The following MAP4 variants were observed in gnomAD, a reference collection of about 807,000 sequenced individuals.
MAP4 encodes the protein microtubule-associated protein 4.
Under a neutral mutation model 170.2 loss-of-function variants are expected in MAP4, and 76 were observed. The ratio of observed to expected loss-of-function variants is 0.45; its 90% confidence interval spans 0.37 to 0.54. MAP4 has a LOEUF of 0.54. Among genes scored for constraint, MAP4 ranks in the 20% least tolerant of loss-of-function variants. The pLI is 0.00. For synonymous variants in MAP4, 909 were observed against 994.5 expected (o/e 0.91, Z 1.62); for missense variants, 2,506 against 2,748.0 (o/e 0.91, Z 1.97).
At chr3:48,058,193 A>G (rs886242192) in intron 1 of MAP4, among the ~76,000 whole-genome samples, 2 of 152,232 alleles carry the variant, frequency 1.3e-5, no homozygotes, top group Admixed American at 1.3e-4. Flanking sequence ...AGTATTCTGG[A>G]ATTTTTTCAA....
At chr3:47,876,324 G>A (rs1342605157) in intron 11 of MAP4, among the ~76,000 whole-genome samples, 1 of 151,846 alleles carries the variant, frequency 6.6e-6, no homozygotes, top group Non-Finnish European at 1.5e-5. Flanking sequence ...ATAAAGACGG[G>A]GTTTCACCGT....
In MAP4 at chr3:47,904,810, C is replaced by T. The variant is rs1464029338; in HGVS notation, c.5384-1810G>A. On this transcript the variant is annotated intron_variant, in intron 9 of 20. Transcript: ENST00000683076. ...TCAGTCTCCTGAGTAGGTGGAATTA[C>T]AGGCATGCAACATCATGCGTGGCTA... 2.0e-5 allele frequency among the ~76,000 whole-genome samples: 3 copies of T among 151,216 alleles called. No individual in the cohort carries two copies. In the East Asian group the frequency reaches 5.9e-4, roughly 30 times the overall value.
At chr3:48,001,264 G>A (rs1285371890) in intron 1 of MAP4, among the ~76,000 whole-genome samples, 1 of 152,052 alleles carries the variant, frequency 6.6e-6, no homozygotes, top group East Asian at 1.9e-4. Context: ...GGAGCTTAGT[G>A]AAAACATTCA....
At chr3:48,006,409 G>A (rs1372437321) in intron 1 of MAP4, among the ~76,000 whole-genome samples, 3 of 152,102 alleles carry the variant, frequency 2.0e-5, no homozygotes, top group Non-Finnish European at 4.4e-5. Context: ...TAAACTAGGG[G>A]CTCATGGAAG....
chr3:47,891,992 C>T (rs1453482585), intron 10 of MAP4: 2 of 1,536,314 alleles, frequency 1.3e-6, no homozygotes, highest in Non-Finnish European at 1.7e-6. Flanking sequence ...GTCAGCAGCC[C>T]CAGGGAAATC....
chr3:47,995,620 C>A (rs561049696), intron 2 of MAP4, among the ~76,000 whole-genome samples: 33 of 151,994 alleles, frequency 2.2e-4, no homozygotes, highest in Non-Finnish European at 4.0e-4. Context: ...GGTCTGCCCC[C>A]CCTCCCCAAC....
intron 1 of MAP4, among the ~76,000 whole-genome samples, chr3:48,062,470 C>CGA (rs1334614298): frequency 2.7e-5 from 3 of 112,522 alleles, no homozygotes; most frequent in Non-Finnish European, 5.1e-5. Context: ...TCCCCTTCTG[C>CGA]GAGAAACACC....
rs765032844 is a variant in MAP4, at chr3:47,910,406, C to A, written c.4015G>T (p.Val1339Leu). 1.0e-5 allele frequency: 16 copies of A among 1,536,546 alleles called. No homozygotes were observed. Among genetic ancestry groups the A allele is most frequent in the Non-Finnish European group, 1.3e-5 (15 of 1,146,922 alleles). ...QIQGAGFVPS[V>L]VSEENKTDAA... Reference sequence around the variant, plus strand: ...TCTGTCTTATTCTCCTCAGATACTACTGAAGGAACAAATCCTGCCCCCTGG... The same window carrying A: ...TCTGTCTTATTCTCCTCAGATACTAATGAAGGAACAAATCCTGCCCCCTGG... Residue 1339 changes from valine to leucine, a missense_variant, in exon 9 of 21, where the codon GTA becomes TTA. By Grantham distance (32) the Val-to-Leu change is conservative. Transcript: ENST00000683076.
intron 3 of MAP4, among the ~76,000 whole-genome samples, chr3:47,956,258 T>C (rs552953957): frequency 1.3e-5 from 2 of 152,304 alleles, no homozygotes; most frequent in African/African-American, 4.8e-5. Context: ...TTCTGTTGCA[T>C]TGCTTCCTCT....
chr3:47,950,757 T>C (rs1371072460), intron 3 of MAP4, among the ~76,000 whole-genome samples: 1 of 152,162 alleles, frequency 6.6e-6, no homozygotes, highest in African/African-American at 2.4e-5. Flanking sequence ...GTTGCTTTTT[T>C]TGTTTTTTTG....
rs2100113352 is a variant in MAP4 at position 48,026,811 on chromosome 3, C to A, written c.-19-27932G>T. On this transcript the variant is annotated intron_variant, in intron 1 of 18. Transcript: ENST00000360240. ...ACCACCAACAATTAATTAGTTCAAA[C>A]TAAAAATAATGAAATAAAGTATTAA... 2.0e-5 allele frequency among the ~76,000 whole-genome samples: 3 copies of A among 152,218 alleles called. No individual in the cohort carries two copies. In the South Asian group the frequency reaches 6.2e-4, roughly 32 times the overall value.
intron 10 of MAP4, among the ~76,000 whole-genome samples, chr3:47,889,354 G>A (rs1421313959): frequency 1.3e-5 from 2 of 152,170 alleles, no homozygotes; most frequent in African/African-American, 2.4e-5. Context: ...GGCATCCCAG[G>A]GTTCCAAGGC....
intron 3 of MAP4, among the ~76,000 whole-genome samples, chr3:47,940,937 G>C (rs1380834067): frequency 6.6e-6 from 1 of 152,014 alleles, no homozygotes; most frequent in Non-Finnish European, 1.5e-5. Flanking sequence ...GAGTGCAATG[G>C]TGCAATCTCG....
intron 1 of MAP4, among the ~76,000 whole-genome samples, chr3:48,068,768 A>G (rs550803773): frequency 3.3e-5 from 5 of 152,188 alleles, no homozygotes; most frequent in Non-Finnish European, 7.3e-5. Context: ...TGGGCAACAG[A>G]GCGTCCGTCT....
chr3:48,005,351 C>T (rs1396384208), intron 1 of MAP4, among the ~76,000 whole-genome samples: 1 of 151,506 alleles, frequency 6.6e-6, no homozygotes. Flanking sequence ...CAGAACGAGA[C>T]TCCCTCTAAG....
In MAP4 at chr3:47,912,239, A is replaced by G; in HGVS notation, c.2182T>C (p.Ser728Pro). The G allele has an allele frequency of 6.5e-7, 1 of 1,536,160 alleles. No individual in the cohort carries two copies. Among genetic ancestry groups the G allele is most frequent in the South Asian group, 1.2e-5 (1 of 84,058 alleles). The change falls in exon 9 of 21, where the codon TCT becomes CCT. Residue 728 changes from serine to proline, a missense_variant. By Grantham distance (74) the Ser-to-Pro change is moderately conservative. Around this residue, in one of 3 missense-constraint regions of MAP4, gnomAD observed 2,008 missense variants for 2,206.0 expected, o/e 0.91. Coordinates refer to ENST00000683076, the MANE Select transcript of MAP4 (RefSeq NM_001385682.1). ...GGCCCACCACAGGAGGATGAACCAG[A>G]GACCCAACCTGACTCAGACAAAGAG... ...HCSLSESGWV[S>P]GSSSCGGPGN...
At chr3:47,994,668 A>G (rs1049406093) in intron 2 of MAP4, among the ~76,000 whole-genome samples, 1 of 152,146 alleles carries the variant, frequency 6.6e-6, no homozygotes, top group East Asian at 1.9e-4. Flanking sequence ...GCTACTTTTG[A>G]TATGTAAATG....
At chr3:47,981,235 GAAGA>G (rs1174880721) in intron 2 of MAP4, among the ~76,000 whole-genome samples, 1 of 152,096 alleles carries the variant, frequency 6.6e-6, no homozygotes, top group Non-Finnish European at 1.5e-5. Flanking sequence ...ACCGATACAG[GAAGA>G]TAACAGGTAT....
chr3:48,001,288 A>G (rs2100098992), intron 1 of MAP4, among the ~76,000 whole-genome samples: 1 of 152,228 alleles, frequency 6.6e-6, no homozygotes, highest in African/African-American at 2.4e-5. Flanking sequence ...CATATTCTTT[A>G]TATTATCTAA....
Sources: gnomAD v4.1 joint callset for allele counts (sites outside exome capture counted in the v4.1 genomes callset) on GRCh38, gnomAD v4.1.1 for gene constraint, gnomAD v4.1.1 regional missense constraint, MANE v1.5 for transcripts, NCBI Gene and HGNC (gene_info 2026-07-23, HGNC 2026-07-21) for gene names.